Variants in SCAP observed in about 807,000 individuals in gnomAD.
SCAP encodes SREBF chaperone.
Under a neutral mutation model 123.6 loss-of-function variants are expected in SCAP, and 65 were observed. The observed-to-expected ratio is 0.53, with a 90% CI of 0.43 to 0.65. The LOEUF (loss-of-function observed/expected upper bound fraction) is 0.65, where lower values mean the gene tolerates loss of function less well. SCAP is among the 30% of genes least tolerant of loss of function. The pLI, the probability that SCAP is intolerant of heterozygous loss-of-function variation, is 0.00. For synonymous variants in SCAP, 740 were observed against 726.3 expected (o/e 1.02, Z -0.30); for missense variants, 1,398 against 1,712.5 (o/e 0.82, Z 3.24).
In SCAP at chr3:47,414,026, GA is replaced by G. The variant is rs1705439111; in HGVS notation, c.3667del (p.Ser1223ProfsTer5). 6.2e-7 allele frequency: 1 copy of G among 1,613,154 alleles called. No individual in the cohort carries two copies. The highest frequency in any genetic ancestry group is 1.7e-5 in the Admixed American group (1 of 59,998). ...GTCCCCGTAGTTTAGGTCCCAAAAG[GA>G]GACACAGCCCTGGCCGCCAGTCACC... is the stretch of plus-strand genomic sequence containing the variant. ...LLVTGGQGCV[S>X]FWDLNYGDLL... is the part of the protein sequence containing the mutation. On this transcript the variant is annotated frameshift_variant, in exon 23 of 23. Coordinates refer to ENST00000265565, the MANE Select transcript of SCAP (RefSeq NM_012235.4). LOFTEE classifies it high-confidence loss of function.
At chr3:47,470,629 G>A (rs1180168193) in intron 1 of SCAP, among the ~76,000 whole-genome samples, 1 of 152,204 alleles carries the variant, frequency 6.6e-6, no homozygotes, top group Admixed American at 6.5e-5. Flanking sequence ...TTGGGAGGCC[G>A]AGGCAGGCAG....
intron 1 of SCAP, among the ~76,000 whole-genome samples, chr3:47,447,676 G>A (rs369739992): frequency 1.0e-4 from 15 of 150,054 alleles, no homozygotes; most frequent in South Asian, 2.1e-4. Context: ...GCAATACAGC[G>A]AGACTCTGAC....
chr3:47,435,104 T>G lies in SCAP; in HGVS notation c.156A>C (p.Thr52=), dbSNP rs773419270. 6.2e-7 allele frequency: 1 copy of G among 1,614,072 alleles called. No individual in the cohort carries two copies. Among genetic ancestry groups the G allele is most frequent in the East Asian group, 2.2e-5 (1 of 44,882 alleles). Residue 52 remains threonine, a synonymous_variant, in exon 3 of 23, where the codon ACA becomes ACC. Transcript: ENST00000265565. ...YPLLKLPLPG[T]GPVEFTTPVK... is the part of the protein sequence containing the mutation. ...CAGGGGTGGTGAATTCCACAGGTCC[T>G]GTTCCTGGCAAGGGGAGTTTCAGCA...
chr3:47,416,532 T>C (rs528074429), intron 18 of SCAP, among the ~76,000 whole-genome samples: 4 of 151,546 alleles, frequency 2.6e-5, no homozygotes, highest in Non-Finnish European at 4.4e-5. Context: ...GATAGGAGTA[T>C]ATCACTCCCC....
At chr3:47,429,381 C>T (rs2107834868) in intron 3 of SCAP, among the ~76,000 whole-genome samples, 1 of 152,362 alleles carries the variant, frequency 6.6e-6, no homozygotes, top group East Asian at 1.9e-4. Flanking sequence ...CTTTTTGAGA[C>T]AGGGTCTTGC....
intron 1 of SCAP, among the ~76,000 whole-genome samples, chr3:47,467,780 G>C (rs1163148429): frequency 6.6e-6 from 1 of 151,966 alleles, no homozygotes; most frequent in Non-Finnish European, 1.5e-5. Context: ...CAACATACAG[G>C]TTTGTTACAT....
intron 4 of SCAP, 99 bp downstream of exon 4, chr3:47,428,414 T>C (rs1706229218): frequency 1.6e-6 from 2 of 1,273,758 alleles, no homozygotes; most frequent in Non-Finnish European, 2.2e-6. Context: ...GTTCTATCTC[T>C]GCAGAGCTGA....
At chr3:47,465,625 C>T (rs1487171397) in intron 1 of SCAP, among the ~76,000 whole-genome samples, 1 of 151,892 alleles carries the variant, frequency 6.6e-6, no homozygotes, top group Non-Finnish European at 1.5e-5. Context: ...TTTAATTAGC[C>T]AGGCACAGTA....
chr3:47,445,396 G>A (rs1037771375), intron 1 of SCAP, among the ~76,000 whole-genome samples: 3 of 151,516 alleles, frequency 2.0e-5, no homozygotes, highest in African/African-American at 4.9e-5. Context: ...ACAAGTGCCC[G>A]CCACTACGCC....
intron 2 of SCAP, among the ~76,000 whole-genome samples, chr3:47,438,720 A>G (rs1469217494): frequency 2.6e-5 from 4 of 151,936 alleles, no homozygotes; most frequent in Non-Finnish European, 5.9e-5. Context: ...CAGCTGAGGC[A>G]GGAGAATCGC....
At position 47,418,734 on chromosome 3, in the gene SCAP, G is replaced by A. The variant is rs559612800; in HGVS notation, c.2050C>T (p.Pro684Ser). Residue 684 changes from proline (P) to serine (S), a missense_variant, in exon 14 of 23, where the codon CCC (proline) becomes TCC (serine). Around this residue, in one of 7 missense-constraint regions of SCAP, gnomAD observed 828 missense variants for 882.5 expected, o/e 0.94. Transcript: ENST00000265565. ...DGRSAWPPPG[P>S]IPAGHWEAGP... ...GCTTCCCAGTGCCCAGCAGGTATGGGCCCCGGTGGGGGCCAGGCACTGCGG... is the reference window on the plus strand; with the variant it reads ...GCTTCCCAGTGCCCAGCAGGTATGGACCCCGGTGGGGGCCAGGCACTGCGG... 12 of 1,602,934 alleles carry A rather than the reference G, an allele frequency of 7.5e-6. No individual in the cohort carries two copies. The highest frequency in any genetic ancestry group is 1.0e-5 in the Non-Finnish European group (12 of 1,176,214).
chr3:47,414,521 A>C (rs1290260338), intron 21 of SCAP, 51 bp downstream of exon 21: 1 of 1,609,536 alleles, frequency 6.2e-7, no homozygotes, highest in Non-Finnish European at 8.5e-7. Flanking sequence ...AGGAGTCAGC[A>C]AACATGGGCC....
intron 1 of SCAP, among the ~76,000 whole-genome samples, chr3:47,474,067 G>A (rs12492433): frequency 0.5 from 76,190 of 151,892 alleles, 20,526 homozygotes; most frequent in Non-Finnish European, 0.6. Flanking sequence ...AGATAGAGAC[G>A]ATCCTGGCTA....
rs1162093014 is a variant in SCAP at position 47,413,713 on chromosome 3, G to A, written c.*141C>T. 7 of 1,179,126 alleles carry A rather than the reference G, an allele frequency of 5.9e-6. No individual in the cohort carries two copies. The highest frequency in any genetic ancestry group is 7.1e-6 in the Non-Finnish European group (6 of 840,076). The allele number at this position is 1,179,126 out of a possible 1,614,324, so 73.0% of individuals were successfully genotyped here. On this transcript the variant is annotated 3_prime_UTR_variant, in exon 23 of 23. Transcript: ENST00000265565. ...CAAAGTGCCTGACAGATGATGATAT[G>A]GTTTTTTAAAAAAGTTTAATATTAT...
chr3:47,459,157 G>A (rs1220521838), intron 1 of SCAP, among the ~76,000 whole-genome samples: 2 of 152,192 alleles, frequency 1.3e-5, no homozygotes, highest in Non-Finnish European at 2.9e-5. Flanking sequence ...GGGCAGCCTT[G>A]TCATTTCACA....
intron 1 of SCAP, among the ~76,000 whole-genome samples, chr3:47,444,815 AGGC>A (rs1706964617): frequency 1.3e-5 from 2 of 148,966 alleles, no homozygotes; most frequent in African/African-American, 5.0e-5. Flanking sequence ...GGGGTTGCCC[AGGC>A]TGGAGTGCAG....
chr3:47,425,074 T>C (rs983813228), intron 8 of SCAP, among the ~76,000 whole-genome samples: 4 of 152,174 alleles, frequency 2.6e-5, no homozygotes, highest in African/African-American at 9.7e-5. Flanking sequence ...AAAAATGTTC[T>C]CTTCTCTATC....
In SCAP at chr3:47,419,187, A is replaced by AATTTTT; in HGVS notation, c.1940+140_1940+141insAAAAAT. On this transcript the variant is annotated intron_variant, in intron 13 of 22. Transcript: ENST00000265565. This position sits in a 1 kb window ranked among gnomAD's most constrained non-coding sequence, Gnocchi z 5.0. Reference sequence around the variant, plus strand: ...TCCTCTCTTGGGTTATAGCTGCCTAAACCACCAGTTCCCACCTCACAACCT... The same window carrying AATTTTT: ...TCCTCTCTTGGGTTATAGCTGCCTAAATTTTTACCACCAGTTCCCACCTCACAACCT... 8.4e-7 allele frequency: 1 copy of AATTTTT among 1,191,666 alleles called. No individual in the cohort carries two copies. The highest frequency in any genetic ancestry group is 1.1e-6 in the Non-Finnish European group (1 of 872,684). 73.8% of individuals were successfully genotyped at this position (1,191,666 alleles called of 1,614,324 possible).
At chr3:47,418,911 C>G (rs560463193) in intron 13 of SCAP, 68 bp from the exon 14 acceptor site, 767 of 1,403,390 alleles carry the variant, frequency 5.5e-4, no homozygotes, top group Middle Eastern at 1.5e-3. Context: ...TGCTCGCCAG[C>G]CAGTCCTCTC....
Sources: allele counts gnomAD v4.1 joint callset (sites outside exome capture counted in the v4.1 genomes callset), GRCh38; gene constraint gnomAD v4.1.1; regional missense constraint gnomAD v4.1.1; non-coding constraint Gnocchi (gnomAD v3.1); transcripts MANE v1.5; gene names NCBI Gene and HGNC (gene_info 2026-07-23, HGNC 2026-07-21).